Variants in YLPM1 observed in about 807,000 individuals in gnomAD.
YLPM1 encodes the protein YLP motif containing 1, also known as YLP motif-containing protein 1.
Under a neutral mutation model 230.0 loss-of-function variants are expected in YLPM1, and 99 were observed. That is an observed-to-expected ratio of 0.43 (90% confidence interval 0.37 to 0.51). The LOEUF (loss-of-function observed/expected upper bound fraction) is 0.51, where lower values mean the gene tolerates loss of function less well. Among genes scored for constraint, YLPM1 ranks in the 20% least tolerant of loss-of-function variants. YLPM1 has a pLI of 0.00. For synonymous variants in YLPM1, 984 were observed against 942.5 expected, an observed-to-expected ratio of 1.04 and a Z score of -0.81; for missense variants, 2,592 against 2,707.7, an observed-to-expected ratio of 0.96 and a Z score of 0.95.
At chr14:74,779,094 G>T (rs976604039) in intron 2 of YLPM1, among the ~76,000 whole-genome samples, 1 of 151,998 alleles carries the variant, frequency 6.6e-6, no homozygotes, top group African/African-American at 2.4e-5. Flanking sequence ...CACCTGCTTC[G>T]GCCTCCCAAA....
chr14:74,825,612 G>A (rs1014959386), intron 18 of YLPM1, among the ~76,000 whole-genome samples: 1 of 151,922 alleles, frequency 6.6e-6, no homozygotes, highest in Admixed American at 6.6e-5. Flanking sequence ...TGCTTATTTC[G>A]ACGTTAGATT....
chr14:74,803,427 C>G (rs2091347094), intron 6 of YLPM1, among the ~76,000 whole-genome samples: 1 of 152,182 alleles, frequency 6.6e-6, no homozygotes, highest in Admixed American at 6.5e-5. Flanking sequence ...TACTGAACCT[C>G]TACTGAACCA....
intron 4 of YLPM1, among the ~76,000 whole-genome samples, chr14:74,784,696 T>C (rs1594816621): frequency 6.6e-6 from 1 of 152,256 alleles, no homozygotes. Context: ...TATCTGTTGA[T>C]TCTAGATTTG....
chr14:74,827,599 G>A, intron 18 of YLPM1: 1 of 985,396 alleles, frequency 1.0e-6, no homozygotes, highest in Non-Finnish European at 1.2e-6. Context: ...CTGCCTGGCT[G>A]TGCTCTGTTG....
intron 13 of YLPM1, 83 bp from the exon 14 acceptor site, chr14:74,816,848 C>T: frequency 5.5e-6 from 8 of 1,455,130 alleles, no homozygotes; most frequent in Non-Finnish European, 7.3e-6. Context: ...ACAAAGTCAT[C>T]TCTATCCAAA....
In YLPM1 at chr14:74,780,433, T is replaced by A. The variant is rs748585689; in HGVS notation, c.1139T>A (p.Leu380Ter). 1 of 1,613,584 alleles carries A rather than the reference T, an allele frequency of 6.2e-7. No homozygotes were observed. Among genetic ancestry groups the A allele is most frequent in the Non-Finnish European group, 8.5e-7 (1 of 1,179,738 alleles). ...QSEDPEEDARLKQLQAAAAHW... is the reference protein window; with the variant it reads ...QSEDPEEDAR Reference sequence around the variant, plus strand: ...GAGGACCCAGAAGAAGATGCCAGGTTAAAGCAGTTGCAGGCTGCAGCAGCA... The same window carrying A: ...GAGGACCCAGAAGAAGATGCCAGGTAAAAGCAGTTGCAGGCTGCAGCAGCA... Residue 380 changes from leucine to a stop codon, truncating the protein, a stop_gained, in exon 3 of 21, where the codon TTA becomes TAA. Transcript: ENST00000325680. LOFTEE classifies it high-confidence loss of function.
chr14:74,832,870 T>G (rs1468337156), intron 19 of YLPM1, among the ~76,000 whole-genome samples: 1 of 152,192 alleles, frequency 6.6e-6, no homozygotes, highest in Non-Finnish European at 1.5e-5. Flanking sequence ...ATTCTTTATT[T>G]TATCTGAGTT....
chr14:74,782,547 C>G (rs925110902), intron 4 of YLPM1, among the ~76,000 whole-genome samples: 2 of 151,964 alleles, frequency 1.3e-5, no homozygotes, highest in Non-Finnish European at 2.9e-5. Flanking sequence ...AGATTATAAT[C>G]CAGAATGAAT....
intron 1 of YLPM1, among the ~76,000 whole-genome samples, chr14:74,771,049 T>C (rs2090972229): frequency 6.6e-6 from 1 of 152,162 alleles, no homozygotes; most frequent in Admixed American, 6.6e-5. Context: ...GAATGATTCT[T>C]AGGTTTCTGG....
intron 6 of YLPM1, among the ~76,000 whole-genome samples, chr14:74,802,910 C>T (rs982113866): frequency 6.6e-6 from 1 of 152,084 alleles, no homozygotes; most frequent in Non-Finnish European, 1.5e-5. Context: ...TACACCTGAA[C>T]TACATAGCTT....
intron 4 of YLPM1, among the ~76,000 whole-genome samples, chr14:74,784,282 A>T (rs78307652): frequency 0.011 from 1,751 of 152,358 alleles, 36 homozygotes; most frequent in African/African-American, 0.039. Context: ...AGAAGAAAAT[A>T]ACTTCTCAAG....
chr14:74,798,436 C>T lies in YLPM1; in HGVS notation c.3139C>T (p.Arg1047Ter), dbSNP rs759603571. The T allele has an allele frequency of 1.2e-6, 2 of 1,613,862 alleles. No homozygotes were observed. Among genetic ancestry groups the T allele is most frequent in the Non-Finnish European group, 1.7e-6 (2 of 1,179,874 alleles). ...VNRGRGQAISRGPGLVKQEDF... is the reference protein window; with the variant it reads ...VNRGRGQAIS ...CAGAGGTCGCGGCCAGGCAATCAGT[C>T]GAGGCCCAGGATTGGTCAAGCAAGA... Residue 1047 changes from arginine (R) to a stop codon, truncating the protein, a stop_gained, in exon 5 of 21, where the codon CGA becomes TGA. Transcript: ENST00000325680. LOFTEE classifies it high-confidence loss of function.
chr14:74,830,416 A>G (rs2091599605), intron 19 of YLPM1, among the ~76,000 whole-genome samples: 2 of 152,230 alleles, frequency 1.3e-5, no homozygotes, highest in Non-Finnish European at 2.9e-5. Context: ...CGTATTATAT[A>G]TACTGTTGTG....
chr14:74,827,422 TTAAA>T, intron 18 of YLPM1: 1 of 985,392 alleles, frequency 1.0e-6, no homozygotes, highest in Non-Finnish European at 1.2e-6. Flanking sequence ...GAAGGAAACT[TTAAA>T]CATATTTGCA....
chr14:74,783,056 T>C (rs2091111567), intron 4 of YLPM1, among the ~76,000 whole-genome samples: 1 of 152,194 alleles, frequency 6.6e-6, no homozygotes, highest in Non-Finnish European at 1.5e-5. Context: ...AATGATAACT[T>C]TTCTATGGAA....
At chr14:74,787,665 A>G (rs1594818438) in intron 4 of YLPM1, among the ~76,000 whole-genome samples, 3 of 152,284 alleles carry the variant, frequency 2.0e-5, no homozygotes, top group South Asian at 4.1e-4. Context: ...TTTTAGGTCC[A>G]ATGGACCCTT....
At position 74,809,407 on chromosome 14, in the gene YLPM1, C is replaced by A. The variant is rs993199108; in HGVS notation, c.4549C>A (p.Pro1517Thr). 12 of 1,609,098 alleles carry A rather than the reference C, an allele frequency of 7.5e-6. No homozygotes were observed. Among genetic ancestry groups the A allele is most frequent in the South Asian group, 1.1e-5 (1 of 90,040 alleles). Residue 1517 changes from proline to threonine, a missense_variant, in exon 7 of 21, where the codon CCT becomes ACT. Physicochemically the swap from Pro to Thr is conservative, Grantham distance 38 (BLOSUM62 -1). Transcript: ENST00000325680. ...TCCAGGGTCGTATAGACCTCCCCCT[C>A]CTATGGGCAAACCACCAGGTTCAAT... ...PPPGSYRPPP[P>T]MGKPPGSIVR... is the part of the protein sequence containing the mutation.
chr14:74,767,873 T>G (rs1238572909), intron 1 of YLPM1, among the ~76,000 whole-genome samples: 1 of 152,192 alleles, frequency 6.6e-6, no homozygotes, highest in East Asian at 1.9e-4. Flanking sequence ...TAAGTTCAGC[T>G]TTCTTTTGGC....
At chr14:74,804,034 G>A (rs1010516124) in intron 6 of YLPM1, among the ~76,000 whole-genome samples, 1 of 152,100 alleles carries the variant, frequency 6.6e-6, no homozygotes, top group Non-Finnish European at 1.5e-5. Context: ...GCGCATGCCT[G>A]TAATCCCAGC....
Sources: allele counts gnomAD v4.1 joint callset (sites outside exome capture counted in the v4.1 genomes callset), GRCh38; gene constraint gnomAD v4.1.1; transcripts MANE v1.5; gene names NCBI Gene and HGNC (gene_info 2026-07-23, HGNC 2026-07-21).